The following ARHGAP24 variants were observed in gnomAD, a reference collection of about 807,000 sequenced individuals.
The protein encoded by ARHGAP24 is Rho GTPase activating protein 24.
Under a neutral mutation model 76.4 loss-of-function variants are expected in ARHGAP24, and 50 were observed. The ratio of observed to expected loss-of-function variants is 0.65; its 90% CI spans 0.52 to 0.83. The LOEUF (loss-of-function observed/expected upper bound fraction) is 0.83, where lower values mean the gene tolerates loss of function less well. Ranked by LOEUF, ARHGAP24 falls within the 40% of genes least tolerant of loss-of-function variation. The pLI is 0.00. For synonymous variants in ARHGAP24, 345 were observed against 323.3 expected, an observed-to-expected ratio of 1.07 and a Z score of -0.72; for missense variants, 930 against 914.2, an observed-to-expected ratio of 1.02 and a Z score of -0.22.
chr4:85,525,371 G>T (rs1724945267), intron 1 of ARHGAP24, among the ~76,000 whole-genome samples: 1 of 144,812 alleles, frequency 6.9e-6, no homozygotes. Flanking sequence ...TTTGATTCAA[G>T]ATTCCTTTTT....
intron 2 of ARHGAP24, among the ~76,000 whole-genome samples, chr4:85,649,686 C>T (rs1721861929): frequency 6.6e-6 from 1 of 151,930 alleles, no homozygotes; most frequent in Non-Finnish European, 1.5e-5. Flanking sequence ...GAAACTAGAC[C>T]AGTCCAATAA....
intron 3 of ARHGAP24, among the ~76,000 whole-genome samples, chr4:85,748,223 T>G (rs901764624): frequency 2.0e-4 from 30 of 152,358 alleles, no homozygotes; most frequent in African/African-American, 5.8e-4. Context: ...GTTGACCACC[T>G]ACTCCAAACA....
At position 85,974,979 on chromosome 4, in the gene ARHGAP24, G is replaced by A. The variant is rs1739239490; in HGVS notation, c.806+18G>A. 1 of 1,606,168 alleles carries A rather than the reference G, an allele frequency of 6.2e-7. No individual in the cohort carries two copies. The highest frequency in any genetic ancestry group is 1.7e-4 in the Middle Eastern group (1 of 6,044). ...ATTTGCAGGTAAGAACTGTCCTAAGGACAAACGTAAACAAGACAAGACATA... is the reference window on the plus strand; with the variant it reads ...ATTTGCAGGTAAGAACTGTCCTAAGAACAAACGTAAACAAGACAAGACATA... On this transcript the variant is annotated intron_variant, in intron 7 of 9. Coordinates refer to ENST00000395184, the MANE Select transcript of ARHGAP24 (RefSeq NM_001025616.3).
chr4:85,600,958 A>G (rs1162047720), intron 2 of ARHGAP24, among the ~76,000 whole-genome samples: 35 of 152,194 alleles, frequency 2.3e-4, no homozygotes, highest in Admixed American at 2.3e-3. Context: ...TTGGCAAGTG[A>G]TGGCTAAAAA....
intron 2 of ARHGAP24, among the ~76,000 whole-genome samples, chr4:85,660,698 A>T (rs1722343872): frequency 6.7e-6 from 1 of 148,500 alleles, no homozygotes; most frequent in African/African-American, 2.5e-5. Context: ...CAGGAGGCTG[A>T]GGCAGGAGAA....
intron 3 of ARHGAP24, among the ~76,000 whole-genome samples, chr4:85,774,525 C>A (rs1430597429): frequency 6.6e-6 from 1 of 152,202 alleles, no homozygotes; most frequent in Non-Finnish European, 1.5e-5. Context: ...AGAAAAACTA[C>A]TGCAGCATTC....
intron 2 of ARHGAP24, among the ~76,000 whole-genome samples, chr4:85,612,787 C>A (rs1299722212): frequency 8.6e-6 from 1 of 116,512 alleles, no homozygotes; most frequent in African/African-American, 2.9e-5. Flanking sequence ...CTATCCTTTC[C>A]ATTCCTTTTT....
intron 3 of ARHGAP24, among the ~76,000 whole-genome samples, chr4:85,814,650 G>T (rs1277136206): frequency 6.6e-6 from 1 of 152,190 alleles, no homozygotes; most frequent in Non-Finnish European, 1.5e-5. Context: ...TCAGGGTACA[G>T]CCTCCTTTCC....
intron 4 of ARHGAP24, among the ~76,000 whole-genome samples, chr4:85,934,671 C>T (rs991644044): frequency 5.3e-5 from 8 of 152,106 alleles, no homozygotes. Flanking sequence ...CCCGCCACCA[C>T]ACCCAGCTAA....
At chr4:85,673,058 G>A (rs1025317049) in intron 2 of ARHGAP24, among the ~76,000 whole-genome samples, 1 of 152,152 alleles carries the variant, frequency 6.6e-6, no homozygotes, top group South Asian at 2.1e-4. Flanking sequence ...AGTGGATGTG[G>A]CATGGCTTTG....
intron 3 of ARHGAP24, among the ~76,000 whole-genome samples, chr4:85,911,023 G>A (rs1040411174): frequency 6.6e-6 from 1 of 152,178 alleles, no homozygotes; most frequent in African/African-American, 2.4e-5. Flanking sequence ...TAGGCAGCAG[G>A]GGCAGGCATT....
Position 85,525,618 on chromosome 4 carries a change from G to A in ARHGAP24, c.-20-44904G>A, listed in dbSNP as rs112756447. ...TGCAATTATTGAGCACTCACTGTGT[G>A]TCATCTACTGTACTAGATCTCTTGC... On this transcript the variant is annotated intron_variant, in intron 1 of 9. Transcript: ENST00000395184. 9.7e-3 allele frequency among the ~76,000 whole-genome samples: 1,473 copies of A among 152,186 alleles called. 13 individuals are homozygous for A. The highest frequency in any genetic ancestry group is 0.018 in the East Asian group (95 of 5,164).
chr4:86,000,131 A>G (rs1346570028), intron 9 of ARHGAP24: 3 of 173,570 alleles, frequency 1.7e-5, no homozygotes. Flanking sequence ...CATTTAGTGT[A>G]GTGAACTTTA....
At chr4:85,522,004 A>G (rs1482302605) in intron 1 of ARHGAP24, among the ~76,000 whole-genome samples, 1 of 152,190 alleles carries the variant, frequency 6.6e-6, no homozygotes, top group East Asian at 1.9e-4. Context: ...AGAAATTCTG[A>G]GAAGTTTTAA....
chr4:85,797,949 A>T (rs1017629036), intron 3 of ARHGAP24, among the ~76,000 whole-genome samples: 2 of 152,248 alleles, frequency 1.3e-5, no homozygotes, highest in African/African-American at 4.8e-5. Context: ...AATTTACTGC[A>T]TGCCTTAAAT....
At chr4:85,503,796 T>C (rs1458880930) in intron 1 of ARHGAP24, among the ~76,000 whole-genome samples, 1 of 152,236 alleles carries the variant, frequency 6.6e-6, no homozygotes, top group Non-Finnish European at 1.5e-5. Context: ...CTAATTCTTT[T>C]AATTGTGATG....
chr4:85,834,539 C>A (rs1730164263), intron 3 of ARHGAP24, among the ~76,000 whole-genome samples: 1 of 152,148 alleles, frequency 6.6e-6, no homozygotes, highest in Non-Finnish European at 1.5e-5. Context: ...CCCAGTGTAT[C>A]TGTTACAACA....
At position 85,569,387 on chromosome 4, in the gene ARHGAP24, GGAA is replaced by G. The variant is rs201738723; in HGVS notation, c.-20-1129_-20-1127del. Among the ~76,000 whole-genome samples the G allele has an allele frequency of 9.9e-5, 15 of 152,284 alleles. No homozygotes were observed. In the East Asian group the frequency reaches 2.3e-3, roughly 24 times the overall value. On this transcript the variant is annotated intron_variant, in intron 1 of 9. Coordinates refer to ENST00000395184, the MANE Select transcript of ARHGAP24 (RefSeq NM_001025616.3). ...TAGAAATAAACATTAGCAAGAATTTGGAAGAAGATTTTGGGACAGGAAAATCTC... is the reference window on the plus strand; with the variant it reads ...TAGAAATAAACATTAGCAAGAATTTGGAAGATTTTGGGACAGGAAAATCTC...
chr4:85,570,535 CT>C lies in ARHGAP24; in HGVS notation c.-5del. ...TTTGCTAACTAGGAAAGTCCATCAGCTTGATAATGGAGGAGAACAATGACTC... is the reference window on the plus strand; with the variant it reads ...TTTGCTAACTAGGAAAGTCCATCAGCTGATAATGGAGGAGAACAATGACTC... On this transcript the variant is annotated 5_prime_UTR_variant, in exon 2 of 10. Coordinates refer to ENST00000395184, the MANE Select transcript of ARHGAP24 (RefSeq NM_001025616.3). 4.3e-6 allele frequency: 7 copies of C among 1,613,612 alleles called. No individual in the cohort carries two copies. Among genetic ancestry groups the C allele is most frequent in the Non-Finnish European group, 5.9e-6 (7 of 1,179,944 alleles).
Sources: allele counts gnomAD v4.1 joint callset (sites outside exome capture counted in the v4.1 genomes callset), GRCh38; gene constraint gnomAD v4.1.1; transcripts MANE v1.5; gene names NCBI Gene and HGNC (gene_info 2026-07-23, HGNC 2026-07-21).